The following WWOX variants were observed in gnomAD, a reference collection of about 807,000 sequenced individuals.
WWOX encodes the protein WW domain-containing oxidoreductase.
Under a neutral mutation model 46.2 loss-of-function variants are expected in WWOX, and 69 were observed. The ratio of observed to expected loss-of-function variants is 1.49; its 90% CI spans 1.23 to 1.82. The LOEUF is 1.82. WWOX is among the 40% of genes most tolerant of loss of function. The pLI, the probability that WWOX is intolerant of heterozygous loss-of-function variation, is 0.00. For synonymous variants in WWOX, 359 were observed against 202.6 expected (o/e 1.77, Z -6.56); for missense variants, 919 against 542.6 (o/e 1.69, Z -6.89).
At chr16:78,773,022 G>T (rs965713598) in intron 8 of WWOX, among the ~76,000 whole-genome samples, 2 of 152,070 alleles carry the variant, frequency 1.3e-5, no homozygotes, top group Non-Finnish European at 2.9e-5. Context: ...CTGTTTTGCA[G>T]ACCTTGTCTC....
At chr16:78,979,099 T>C (rs80245602) in intron 8 of WWOX, among the ~76,000 whole-genome samples, 13 of 148,610 alleles carry the variant, frequency 8.7e-5, no homozygotes, top group African/African-American at 2.2e-4. Context: ...TTTTTTTTTT[T>C]CCCTATACAG....
chr16:78,941,223 G>A (rs1009894239), intron 8 of WWOX, among the ~76,000 whole-genome samples: 5 of 152,154 alleles, frequency 3.3e-5, no homozygotes, highest in East Asian at 1.9e-4. Flanking sequence ...AGTGGAGAGC[G>A]TGTTCAGGCA....
intron 8 of WWOX, among the ~76,000 whole-genome samples, chr16:78,636,858 G>A (rs1419483925): frequency 6.6e-6 from 1 of 152,148 alleles, no homozygotes; most frequent in African/African-American, 2.4e-5. Context: ...GTACAGCCCT[G>A]AGCTGCATCA....
At chr16:78,130,247 T>G (rs1378445169) in intron 4 of WWOX, 2 of 152,146 alleles carry the variant, frequency 1.3e-5, no homozygotes, top group African/African-American at 4.8e-5. Context: ...GGGAGGTGAT[T>G]AGATCATGAG....
At chr16:78,329,544 C>T (rs754289433) in intron 5 of WWOX, among the ~76,000 whole-genome samples, 1 of 152,158 alleles carries the variant, frequency 6.6e-6, no homozygotes, top group Non-Finnish European at 1.5e-5. Flanking sequence ...GCCTATGAGG[C>T]CAAGTTGCAA....
chr16:78,368,236 C>T (rs1047069089), intron 5 of WWOX, among the ~76,000 whole-genome samples: 2 of 152,318 alleles, frequency 1.3e-5, no homozygotes, highest in South Asian at 4.1e-4. Context: ...CTTCAATTAA[C>T]ATGAGTGGAA....
chr16:78,309,353 C>A (rs1050441345), intron 5 of WWOX, among the ~76,000 whole-genome samples: 1 of 152,158 alleles, frequency 6.6e-6, no homozygotes, highest in African/African-American at 2.4e-5. Flanking sequence ...CTTGAGGCCT[C>A]CCCAGCCATG....
intron 8 of WWOX, among the ~76,000 whole-genome samples, chr16:78,882,137 CAAAG>C (rs1183334363): frequency 6.6e-6 from 1 of 152,042 alleles, no homozygotes; most frequent in Non-Finnish European, 1.5e-5. Context: ...AAAACAAAAA[CAAAG>C]AACTGACAAT....
At chr16:78,748,644 A>G (rs367860609) in intron 8 of WWOX, among the ~76,000 whole-genome samples, 1 of 152,136 alleles carries the variant, frequency 6.6e-6, no homozygotes, top group African/African-American at 2.4e-5. Context: ...CTGGGCCCAG[A>G]TAGGAATCAA....
intron 8 of WWOX, among the ~76,000 whole-genome samples, chr16:78,984,393 C>T (rs555850058): frequency 2.7e-4 from 41 of 152,298 alleles, no homozygotes; most frequent in Non-Finnish European, 2.6e-4. Flanking sequence ...ATATTTTATA[C>T]TTTGTGGGTC....
chr16:78,452,390 A>C (rs987140534), intron 8 of WWOX, among the ~76,000 whole-genome samples: 2 of 151,800 alleles, frequency 1.3e-5, no homozygotes, highest in Non-Finnish European at 2.9e-5. Context: ...TCTTTTAATT[A>C]GATATGTTTG....
intron 8 of WWOX, among the ~76,000 whole-genome samples, chr16:78,717,278 A>C (rs1032271343): frequency 6.6e-6 from 1 of 152,260 alleles, no homozygotes; most frequent in African/African-American, 2.4e-5. Flanking sequence ...ATAGAGATCC[A>C]GTAGTTAAGA....
chr16:78,774,690 G>C (rs142392417), intron 8 of WWOX, among the ~76,000 whole-genome samples: 1 of 151,860 alleles, frequency 6.6e-6, no homozygotes, highest in Non-Finnish European at 1.5e-5. Flanking sequence ...TGTCTGTGTG[G>C]GGGGAGGGGA....
At chr16:78,470,394 C>A (rs1005987157) in intron 8 of WWOX, among the ~76,000 whole-genome samples, 2 of 152,174 alleles carry the variant, frequency 1.3e-5, no homozygotes, top group African/African-American at 4.8e-5. Flanking sequence ...TACCTTTTCC[C>A]CCTCAAGATC....
At chr16:78,724,307 T>C (rs1316583828) in intron 8 of WWOX, among the ~76,000 whole-genome samples, 1 of 152,186 alleles carries the variant, frequency 6.6e-6, no homozygotes, top group Non-Finnish European at 1.5e-5. Flanking sequence ...ATTCATTATC[T>C]CTGTGATTAA....
intron 6 of WWOX, among the ~76,000 whole-genome samples, chr16:78,389,221 C>T (rs144830799): frequency 3.9e-4 from 59 of 152,328 alleles, no homozygotes; most frequent in African/African-American, 1.2e-3. Flanking sequence ...CAAGAGGCAC[C>T]TCAACAGGCT....
intron 8 of WWOX, among the ~76,000 whole-genome samples, chr16:78,851,204 T>C (rs1260456315): frequency 6.6e-6 from 1 of 152,170 alleles, no homozygotes; most frequent in Non-Finnish European, 1.5e-5. Context: ...AGTAGGTCTT[T>C]CTGTTAGGTA....
At chr16:78,829,878 C>T (rs969845360) in intron 8 of WWOX, among the ~76,000 whole-genome samples, 4 of 152,116 alleles carry the variant, frequency 2.6e-5, no homozygotes, top group African/African-American at 4.8e-5. Context: ...AGCTGTTGAG[C>T]ACCAGAGCAA....
At chr16:78,969,222 T>C (rs758656686) in intron 8 of WWOX, among the ~76,000 whole-genome samples, 1 of 151,368 alleles carries the variant, frequency 6.6e-6, no homozygotes, top group Non-Finnish European at 1.5e-5. Context: ...GGGGACAAAG[T>C]CAAGAAAATA....
Sources: gnomAD v4.1 joint callset for allele counts (sites outside exome capture counted in the v4.1 genomes callset) on GRCh38, gnomAD v4.1.1 for gene constraint, MANE v1.5 for transcripts, NCBI Gene and HGNC (gene_info 2026-07-23, HGNC 2026-07-21) for gene names.